Variants in CCDC33 observed in about 807,000 individuals in gnomAD.
CCDC33 encodes coiled-coil domain containing 33, also known as coiled-coil domain-containing protein 33.
CCDC33 carries 94 observed loss-of-function variants against 91.9 expected under a neutral mutation model. The ratio of observed to expected loss-of-function variants is 1.02; its 90% CI spans 0.87 to 1.21. The LOEUF (loss-of-function observed/expected upper bound fraction) is 1.21, where lower values mean the gene tolerates loss of function less well. Ranked by LOEUF, CCDC33 falls within the 50% of genes most tolerant of loss-of-function variation. The pLI, the probability that CCDC33 is intolerant of heterozygous loss-of-function variation, is 0.00. For synonymous variants in CCDC33, 396 were observed against 374.5 expected (o/e 1.06, Z -0.66); for missense variants, 940 against 935.5 (o/e 1.00, Z -0.06).
intron 4 of CCDC33, among the ~76,000 whole-genome samples, chr15:74,267,855 C>T (rs1003795031): frequency 6.6e-5 from 10 of 152,226 alleles, no homozygotes; most frequent in Non-Finnish European, 1.5e-4. Flanking sequence ...CCCATCCCTC[C>T]TCCGGGCCAG....
Position 74,330,307 on chromosome 15 carries a change from A to G in CCDC33, c.1409A>G (p.Gln470Arg), listed in dbSNP as rs2060402770. 1.9e-6 allele frequency: 3 copies of G among 1,610,548 alleles called. No homozygotes were observed. Among genetic ancestry groups the G allele is most frequent in the Non-Finnish European group, 1.7e-6 (2 of 1,179,120 alleles). The change falls in exon 12 of 19, where the codon CAG (glutamine) becomes CGG (arginine). Residue 470 changes from glutamine to arginine, a missense_variant. Physicochemically the swap from Gln to Arg is conservative, Grantham distance 43. Coordinates refer to ENST00000398814, the MANE Select transcript of CCDC33 (RefSeq NM_025055.5). ...ATACTGAGGAGCCGCCTGGCCCAGCAGGAGGAGGAAGAGGGGCAGGGCAAA... is the reference window on the plus strand; with the variant it reads ...ATACTGAGGAGCCGCCTGGCCCAGCGGGAGGAGGAAGAGGGGCAGGGCAAA... ...NRILRSRLAQ[Q>R]EEEEGQGKAS...
At chr15:74,325,112 C>T (rs2060284574) in intron 11 of CCDC33, among the ~76,000 whole-genome samples, 1 of 151,968 alleles carries the variant, frequency 6.6e-6, no homozygotes, top group Non-Finnish European at 1.5e-5. Context: ...TCTGCCTCCA[C>T]CCAGCAAGGG....
intron 11 of CCDC33, chr15:74,301,349 C>G (rs2059791345): frequency 1.3e-5 from 2 of 152,466 alleles, no homozygotes; most frequent in South Asian, 4.1e-4. Flanking sequence ...TTCCTCCAGC[C>G]TGTCAGAAAA....
upstream of CCDC33, among the ~76,000 whole-genome samples, chr15:74,215,874 C>CAA (rs55927800): frequency 2.0e-3 from 55 of 27,942 alleles, 1 homozygote; most frequent in African/African-American, 4.2e-3. Flanking sequence ...TCGATCTCAC[C>CAA]AAAAAAAAAA....
intron 1 of CCDC33, among the ~76,000 whole-genome samples, chr15:74,238,926 GT>G (rs970578795): frequency 6.6e-6 from 1 of 152,196 alleles, no homozygotes; most frequent in African/African-American, 2.4e-5. Flanking sequence ...CATACAAGAG[GT>G]TTACTTTCTC....
intron 7 of CCDC33, among the ~76,000 whole-genome samples, chr15:74,278,409 T>C (rs921128631): frequency 6.6e-6 from 1 of 152,266 alleles, no homozygotes; most frequent in Non-Finnish European, 1.5e-5. Flanking sequence ...GCTGCTACTG[T>C]TGCTGACAGC....
intron 11 of CCDC33, among the ~76,000 whole-genome samples, chr15:74,309,988 AT>A (rs1041352421): frequency 6.6e-6 from 1 of 151,968 alleles, no homozygotes; most frequent in Non-Finnish European, 1.5e-5. Flanking sequence ...TCTCCACAAA[AT>A]TTTTTTAAAA....
At chr15:74,297,268 C>A (rs1356057381) in intron 11 of CCDC33, among the ~76,000 whole-genome samples, 1 of 152,204 alleles carries the variant, frequency 6.6e-6, no homozygotes, top group Non-Finnish European at 1.5e-5. Flanking sequence ...CCAGCTCAGT[C>A]ATAAACTGCA....
chr15:74,281,651 C>T, intron 9 of CCDC33, 127 bp from the exon 10 acceptor site: 1 of 821,416 alleles, frequency 1.2e-6, no homozygotes, highest in Non-Finnish European at 2.0e-6. Flanking sequence ...CCAGCTCCCA[C>T]CTCCCTCCCA....
At chr15:74,225,801 G>A (rs765599737) in intron 2 of CCDC33, among the ~76,000 whole-genome samples, 8 of 152,186 alleles carry the variant, frequency 5.3e-5, no homozygotes, top group Non-Finnish European at 8.8e-5. Context: ...GAGCAGCAGG[G>A]TAGGAAGGCT....
chr15:74,278,718 C>T (rs1444687627), intron 7 of CCDC33, among the ~76,000 whole-genome samples: 2 of 152,246 alleles, frequency 1.3e-5, no homozygotes, highest in African/African-American at 4.8e-5. Context: ...TCCTTCAGAG[C>T]CTTTCTCTGG....
At position 74,316,898 on chromosome 15, in the gene CCDC33, AG is replaced by A. The variant is rs1230017840; in HGVS notation, c.1291-13290del. Among the ~76,000 whole-genome samples, 2 of 152,216 alleles carry A rather than the reference AG, an allele frequency of 1.3e-5. No individual in the cohort carries two copies. The highest frequency in any genetic ancestry group is 1.3e-4 in the Admixed American group (2 of 15,276). On this transcript the variant is annotated intron_variant, in intron 11 of 18. Coordinates refer to ENST00000398814, the MANE Select transcript of CCDC33 (RefSeq NM_025055.5). This position sits in a 1 kb window ranked among gnomAD's most constrained non-coding sequence, Gnocchi z 4.7. ...ATTTTACAGAGGAGAAAACAGGCTT[AG>A]AGAGGTTAAGTGACCTGTCCAAAGT...
At chr15:74,319,622 C>CG (rs2060165104) in intron 11 of CCDC33, 1 of 152,296 alleles carries the variant, frequency 6.6e-6, no homozygotes, top group African/African-American at 2.4e-5. Flanking sequence ...TGGGATAGCC[C>CG]GGGGGTCTTC....
At chr15:74,247,301 A>G (rs2075563039) in intron 2 of CCDC33, among the ~76,000 whole-genome samples, 1 of 152,056 alleles carries the variant, frequency 6.6e-6, no homozygotes, top group Non-Finnish European at 1.5e-5. Context: ...ACAATAGCCA[A>G]GATATAGGAT....
At chr15:74,271,005 T>A (rs2076300388) in intron 5 of CCDC33, among the ~76,000 whole-genome samples, 1 of 152,056 alleles carries the variant, frequency 6.6e-6, no homozygotes, top group Admixed American at 6.5e-5. Context: ...AACCGGGATC[T>A]GATGAAGAAA....
chr15:74,212,409 C>G (rs2074376862), upstream of CCDC33: 1 of 152,308 alleles, frequency 6.6e-6, no homozygotes, highest in Non-Finnish European at 1.5e-5. Context: ...CCCTAGCTCC[C>G]CTCCTCCAGC....
chr15:74,262,302 C>T, intron 2 of CCDC33, 138 bp from the exon 3 acceptor site: 1 of 1,136,650 alleles, frequency 8.8e-7, no homozygotes, highest in Non-Finnish European at 1.2e-6. Context: ...TGGGATGACA[C>T]AAGTGTCTAT....
At chr15:74,208,603 C>A (rs550757423) in intron 1 of CCDC33, among the ~76,000 whole-genome samples, 2 of 152,302 alleles carry the variant, frequency 1.3e-5, no homozygotes, top group African/African-American at 4.8e-5. Flanking sequence ...CTGCTAGCCC[C>A]CCAGTGTCCC....
intron 2 of CCDC33, among the ~76,000 whole-genome samples, chr15:74,220,954 A>G (rs1027008977): frequency 4.9e-4 from 74 of 152,306 alleles, no homozygotes; most frequent in African/African-American, 1.7e-3. Flanking sequence ...GCTCAAAGGC[A>G]CAGCTGGAAG....
Sources: allele counts gnomAD v4.1 joint callset (sites outside exome capture counted in the v4.1 genomes callset), GRCh38; gene constraint gnomAD v4.1.1; non-coding constraint Gnocchi (gnomAD v3.1); transcripts MANE v1.5; gene names NCBI Gene and HGNC (gene_info 2026-07-23, HGNC 2026-07-21).